Variants in ROBO1 observed in about 807,000 individuals in gnomAD.
ROBO1 encodes roundabout homolog 1.
A neutral mutation model predicts 195.9 loss-of-function variants in ROBO1; 149 were observed. That is an observed-to-expected ratio of 0.76 (90% CI 0.67 to 0.87). The LOEUF (loss-of-function observed/expected upper bound fraction) is 0.87, where lower values mean the gene tolerates loss of function less well. ROBO1 is among the 40% of genes least tolerant of loss of function. The probability of loss-of-function intolerance (pLI) is 0.00; values close to 1 mark genes in which losing one functional copy is unlikely to be tolerated. For synonymous variants in ROBO1, 816 were observed against 733.2 expected, an observed-to-expected ratio of 1.11 and a Z score of -1.82; for missense variants, 1,933 against 2,068.3, an observed-to-expected ratio of 0.93 and a Z score of 1.27.
In ROBO1 at chr3:79,515,411, A is replaced by C. The variant is rs181567530; in HGVS notation, c.88+74413T>G. 2.0e-3 allele frequency among the ~76,000 whole-genome samples: 300 copies of C among 152,354 alleles called. 1 individual carries two copies. Among genetic ancestry groups the C allele is most frequent in the Non-Finnish European group, 3.7e-3 (249 of 68,036 alleles). ...GAATAGCTTGAATAGCTGAGCTGGC[A>C]TGTGAAAGGAGCTCTGCTTTTCATA... is the stretch of plus-strand genomic sequence containing the variant. On this transcript the variant is annotated intron_variant, in intron 2 of 30. Coordinates refer to ENST00000464233, the MANE Select transcript of ROBO1 (RefSeq NM_002941.4).
intron 4 of ROBO1, among the ~76,000 whole-genome samples, chr3:78,914,758 T>C (rs2107556388): frequency 2.9e-5 from 2 of 69,550 alleles, no homozygotes; most frequent in Non-Finnish European, 8.8e-5. Flanking sequence ...TTTTATAAAT[T>C]ATATATATAT....
At chr3:79,300,392 C>T (rs146012359) in intron 2 of ROBO1, among the ~76,000 whole-genome samples, 6,697 of 152,286 alleles carry the variant, frequency 0.044, 278 homozygotes, top group African/African-American at 0.11. Flanking sequence ...GTACTGGGTC[C>T]CCCAGCAGTG....
At chr3:79,566,489 G>T (rs1213731638) in intron 2 of ROBO1, among the ~76,000 whole-genome samples, 1 of 152,086 alleles carries the variant, frequency 6.6e-6, no homozygotes, top group Non-Finnish European at 1.5e-5. Flanking sequence ...TAAGAAGAGG[G>T]ACAGTGATAT....
At chr3:79,293,188 T>G (rs537425012) in intron 2 of ROBO1, among the ~76,000 whole-genome samples, 1 of 152,210 alleles carries the variant, frequency 6.6e-6, no homozygotes, top group Non-Finnish European at 1.5e-5. Context: ...TATTCTCTGA[T>G]GGTAAGTAGT....
intron 3 of ROBO1, among the ~76,000 whole-genome samples, chr3:78,996,340 C>CAAAAAAA (rs5850409): frequency 1.3e-5 from 2 of 148,240 alleles, no homozygotes; most frequent in African/African-American, 2.5e-5. Flanking sequence ...AAAAAAAAAA[C>CAAAAAAA]AAAAAAAAAA....
intron 2 of ROBO1, among the ~76,000 whole-genome samples, chr3:79,551,352 A>G (rs1017243696): frequency 6.6e-6 from 1 of 151,380 alleles, no homozygotes; most frequent in Admixed American, 6.6e-5. Context: ...CCACCCCACA[A>G]CTATCACAAG....
chr3:79,256,462 T>C (rs1467299179), intron 2 of ROBO1, among the ~76,000 whole-genome samples: 1 of 152,138 alleles, frequency 6.6e-6, no homozygotes, highest in Non-Finnish European at 1.5e-5. Flanking sequence ...TACAAGGTGA[T>C]GGAAATAAGA....
rs555979223 is a variant in ROBO1, at chr3:79,179,682, A to G, written c.89-54143T>C. Among the ~76,000 whole-genome samples, 271 of 152,336 alleles carry G rather than the reference A, an allele frequency of 1.8e-3. 1 individual carries two copies. The highest frequency in any genetic ancestry group is 6.3e-3 in the African/African-American group (260 of 41,584). On this transcript the variant is annotated intron_variant, in intron 2 of 30. Coordinates refer to ENST00000464233, the MANE Select transcript of ROBO1 (RefSeq NM_002941.4). ...AAATTATAATCATGAAAGCTGAGTA[A>G]TAAAGTTGCTAGAATAATGAATACT...
intron 4 of ROBO1, among the ~76,000 whole-genome samples, chr3:78,899,835 C>T (rs1417489635): frequency 6.6e-6 from 1 of 152,062 alleles, no homozygotes; most frequent in Non-Finnish European, 1.5e-5. Flanking sequence ...ATAAAGGCAA[C>T]TTCGAAGATT....
At chr3:78,897,375 A>G (rs1487476014) in intron 4 of ROBO1, among the ~76,000 whole-genome samples, 1 of 152,148 alleles carries the variant, frequency 6.6e-6, no homozygotes, top group Non-Finnish European at 1.5e-5. Context: ...ATCAAAAGCA[A>G]TTTCCAGGCA....
intron 2 of ROBO1, among the ~76,000 whole-genome samples, chr3:79,417,413 A>C (rs1337229449): frequency 6.6e-6 from 1 of 152,154 alleles, no homozygotes; most frequent in Non-Finnish European, 1.5e-5. Flanking sequence ...CCTGGCTTAC[A>C]GCTTGACCAT....
intron 2 of ROBO1, among the ~76,000 whole-genome samples, chr3:79,396,419 T>A (rs1395188367): frequency 6.6e-6 from 1 of 152,096 alleles, no homozygotes; most frequent in Non-Finnish European, 1.5e-5. Flanking sequence ...CTAAAAGGAC[T>A]GTATGCTAAC....
At chr3:79,446,513 A>G (rs1228444600) in intron 2 of ROBO1, among the ~76,000 whole-genome samples, 1 of 152,206 alleles carries the variant, frequency 6.6e-6, no homozygotes, top group East Asian at 1.9e-4. Flanking sequence ...TATAATAGAT[A>G]GGTACAAAAC....
chr3:79,009,813 T>C (rs989482584), intron 3 of ROBO1, among the ~76,000 whole-genome samples: 60 of 152,330 alleles, frequency 3.9e-4, no homozygotes, highest in African/African-American at 1.4e-3. Flanking sequence ...TCACCATTTA[T>C]TATCAAAATC....
At chr3:78,998,193 G>A (rs2077413751) in intron 3 of ROBO1, among the ~76,000 whole-genome samples, 1 of 152,158 alleles carries the variant, frequency 6.6e-6, no homozygotes, top group Non-Finnish European at 1.5e-5. Context: ...TGAAGATAAT[G>A]CAGCTAATAC....
At chr3:79,097,438 A>T (rs1431323062) in intron 3 of ROBO1, among the ~76,000 whole-genome samples, 6 of 151,804 alleles carry the variant, frequency 4.0e-5, no homozygotes, top group Non-Finnish European at 7.4e-5. Flanking sequence ...AATATAATTC[A>T]TGTGTTCATT....
chr3:79,332,029 G>A (rs1326545826), intron 2 of ROBO1, among the ~76,000 whole-genome samples: 1 of 151,922 alleles, frequency 6.6e-6, no homozygotes, highest in Non-Finnish European at 1.5e-5. Context: ...TGTAGTCCCA[G>A]GTGCTGGGAA....
intron 2 of ROBO1, among the ~76,000 whole-genome samples, chr3:79,163,932 C>T (rs966835847): frequency 2.6e-5 from 4 of 152,058 alleles, no homozygotes; most frequent in African/African-American, 7.2e-5. Flanking sequence ...CACATTTTTA[C>T]AAATGGCATT....
chr3:79,596,390 A>G (rs1430670818), intron 1 of ROBO1, among the ~76,000 whole-genome samples: 2 of 152,026 alleles, frequency 1.3e-5, no homozygotes, highest in Non-Finnish European at 2.9e-5. Flanking sequence ...AAGTGGGAAG[A>G]GGATCAGGCT....
Sources: allele counts gnomAD v4.1 joint callset (sites outside exome capture counted in the v4.1 genomes callset), GRCh38; gene constraint gnomAD v4.1.1; transcripts MANE v1.5; gene names NCBI Gene and HGNC (gene_info 2026-07-23, HGNC 2026-07-21).